The following RAE1 variants were observed in gnomAD, a reference collection of about 807,000 sequenced individuals.
The protein encoded by RAE1 is mRNA export factor RAE1.
In RAE1, 13 loss-of-function variants were observed where a neutral mutation model predicts 52.7. That is an observed-to-expected ratio of 0.25 (90% confidence interval 0.16 to 0.39). The LOEUF is 0.39. Ranked by LOEUF, RAE1 falls within the 10% of genes least tolerant of loss-of-function variation. The probability of loss-of-function intolerance (pLI) is 1.00; values close to 1 mark genes in which losing one functional copy is unlikely to be tolerated. For missense variants in RAE1, 262 were observed against 459.8 expected, an observed-to-expected ratio of 0.57 and a Z score of 3.93; for synonymous variants, 164 against 153.1, an observed-to-expected ratio of 1.07 and a Z score of -0.52.
At chr20:57,370,992 C>T (rs79107831) in intron 8 of RAE1, 2,395 of 152,284 alleles carry the variant, frequency 0.016, 17 homozygotes, top group Non-Finnish European at 0.024. Flanking sequence ...TGAGGTCACC[C>T]CTGATTGGAA....
chr20:57,376,173 C>T (rs1203217954), intron 11 of RAE1, among the ~76,000 whole-genome samples: 3 of 152,248 alleles, frequency 2.0e-5, no homozygotes, highest in Non-Finnish European at 2.9e-5. Flanking sequence ...CCTCTGACCC[C>T]TCCAGGCCTG....
chr20:57,364,016 A>G (rs1236007574), intron 4 of RAE1, among the ~76,000 whole-genome samples: 1 of 152,238 alleles, frequency 6.6e-6, no homozygotes, highest in Admixed American at 6.5e-5. Context: ...GATGGAGCCC[A>G]TGTGCTTAGC....
intron 4 of RAE1, chr20:57,359,003 T>C: frequency 6.6e-7 from 1 of 1,518,832 alleles, no homozygotes; most frequent in African/African-American, 1.4e-5. Flanking sequence ...ATTTCACTGG[T>C]TGAAAGTAAG....
intron 1 of RAE1, among the ~76,000 whole-genome samples, chr20:57,352,595 T>A (rs1025423547): frequency 2.0e-5 from 3 of 152,220 alleles, no homozygotes; most frequent in African/African-American, 7.2e-5. Context: ...TACCATGTTC[T>A]TTTTCCTAAG....
intron 3 of RAE1, among the ~76,000 whole-genome samples, chr20:57,355,641 T>A (rs189551492): frequency 3.3e-5 from 5 of 152,338 alleles, no homozygotes. Flanking sequence ...ACTGTGAACT[T>A]GTGAAAATTT....
intron 4 of RAE1, chr20:57,359,047 A>G (rs1278616771): frequency 6.6e-7 from 1 of 1,507,218 alleles, no homozygotes; most frequent in Non-Finnish European, 8.8e-7. Context: ...CATTCATTCA[A>G]GTCCCTATTT....
chr20:57,378,696 A>G lies in RAE1; in HGVS notation c.*597A>G, dbSNP rs1027004057. ...GTTTTTCCTTGCTTCCCTCATTCCC[A>G]TCTTCAAAATCCCCAGTGCTTTCTG... On this transcript the variant is annotated 3_prime_UTR_variant, in exon 12 of 12. Coordinates refer to ENST00000395841, the MANE Select transcript of RAE1 (RefSeq NM_003610.4). The G allele has an allele frequency of 6.6e-6, 1 of 152,286 alleles. No homozygotes were observed. The highest frequency in any genetic ancestry group is 1.5e-5 in the Non-Finnish European group (1 of 68,136). 9.4% of individuals were successfully genotyped at this position (152,286 alleles called of 1,614,324 possible).
At chr20:57,358,287 A>G (rs1373470086) in intron 4 of RAE1, 2 of 152,238 alleles carry the variant, frequency 1.3e-5, no homozygotes, top group Non-Finnish European at 2.9e-5. Flanking sequence ...TATATAGCCT[A>G]AGATTTTTCA....
chr20:57,356,271 G>A (rs370803617), intron 3 of RAE1, among the ~76,000 whole-genome samples, 175 bp from the exon 4 acceptor site: 61 of 152,284 alleles, frequency 4.0e-4, no homozygotes, highest in South Asian at 2.1e-3. Context: ...TAGCTTAGGC[G>A]AAGAAAACAG....
intron 8 of RAE1, chr20:57,373,080 C>T (rs545594455): frequency 3.7e-5 from 9 of 242,456 alleles, no homozygotes; most frequent in South Asian, 3.0e-4. Flanking sequence ...TGCATCCCTC[C>T]TCCAGCTGGG....
intron 11 of RAE1, among the ~76,000 whole-genome samples, chr20:57,375,339 T>G (rs1244245863): frequency 6.6e-6 from 1 of 152,038 alleles, no homozygotes; most frequent in Non-Finnish European, 1.5e-5. Flanking sequence ...TTGTCATCAT[T>G]GTATTTGTGG....
intron 10 of RAE1, among the ~76,000 whole-genome samples, chr20:57,374,369 C>T (rs2067080555): frequency 1.3e-5 from 2 of 152,210 alleles, no homozygotes; most frequent in Non-Finnish European, 2.9e-5. Context: ...CTCCTTGTTT[C>T]TTGCTGTCCA....
At chr20:57,365,823 T>C (rs1451313994) in intron 5 of RAE1, among the ~76,000 whole-genome samples, 1 of 152,218 alleles carries the variant, frequency 6.6e-6, no homozygotes, top group African/African-American at 2.4e-5. Context: ...CAGCAAGTGT[T>C]CTGTCTATGG....
At chr20:57,356,908 T>A in intron 4 of RAE1, among the ~76,000 whole-genome samples, 1 of 152,148 alleles carries the variant, frequency 6.6e-6, no homozygotes, top group Admixed American at 6.5e-5. Context: ...AGCCAGGGGA[T>A]GAACAGCTGT....
chr20:57,376,125 G>A (rs1221276589), intron 11 of RAE1, among the ~76,000 whole-genome samples: 6 of 152,292 alleles, frequency 3.9e-5, no homozygotes, highest in East Asian at 1.9e-4. Flanking sequence ...CTGAGGCCCC[G>A]AACTTAGACA....
Position 57,375,039 on chromosome 20 carries a change from G to C in RAE1, c.1020+238G>C, listed in dbSNP as rs776064581. On this transcript the variant is annotated intron_variant, in intron 11 of 11. Coordinates refer to ENST00000395841, the MANE Select transcript of RAE1 (RefSeq NM_003610.4). ...GTGCTCGGCCAGTGTGAGCCATTAC[G>C]GGCTGCTCTGTTCCTGGGCACAGAA... 3 of 706,132 alleles carry C rather than the reference G, an allele frequency of 4.2e-6. No homozygotes were observed. The South Asian group carries it at 4.4e-5, about 10-fold the overall frequency. The allele number at this position is 706,132 out of a possible 1,614,324, so 43.7% of individuals were successfully genotyped here. A position where few individuals can be genotyped will look rare whatever the true frequency, so the allele number is the denominator to read the frequency against.
intron 8 of RAE1, chr20:57,373,046 C>T (rs1353753898): frequency 9.1e-6 from 2 of 220,740 alleles, no homozygotes; most frequent in African/African-American, 2.3e-5. Context: ...CCCTGTTACC[C>T]TGTGAGACGG....
At chr20:57,352,288 G>A (rs79109523) in intron 1 of RAE1, among the ~76,000 whole-genome samples, 2,399 of 152,304 alleles carry the variant, frequency 0.016, 18 homozygotes, top group Non-Finnish European at 0.024. Context: ...GTTCGGAGGA[G>A]GCAACTTTTG....
rs960337750 is a variant in RAE1, at chr20:57,366,954, A to C, written c.463-54A>C. ...CAGGATTGTCATTTATTTTTGCACC[A>C]TTTCGACTTCTGCTCTGAATGGTCA... is the stretch of plus-strand genomic sequence containing the variant. On this transcript the variant is annotated intron_variant, in intron 6 of 11. Coordinates refer to ENST00000395841, the MANE Select transcript of RAE1 (RefSeq NM_003610.4). 4.4e-6 allele frequency: 7 copies of C among 1,586,204 alleles called. 1 individual carries two copies. In the African/African-American group the frequency reaches 8.1e-5, roughly 18 times the overall value.
Sources: gnomAD v4.1 joint callset for allele counts (sites outside exome capture counted in the v4.1 genomes callset) on GRCh38, gnomAD v4.1.1 for gene constraint, MANE v1.5 for transcripts, NCBI Gene and HGNC (gene_info 2026-07-23, HGNC 2026-07-21) for gene names.